Variants in SLC7A6 observed in about 807,000 individuals in gnomAD.
SLC7A6 encodes the protein Y+L amino acid transporter 2.
SLC7A6 carries 29 observed loss-of-function variants against 46.6 expected under a neutral mutation model. The observed-to-expected ratio is 0.62, with a 90% CI of 0.46 to 0.85. SLC7A6 has a LOEUF of 0.85. Among genes scored for constraint, SLC7A6 ranks in the 40% least tolerant of loss-of-function variants. The pLI is 0.00. For missense variants in SLC7A6, 527 were observed against 647.6 expected (o/e 0.81, Z 2.02); for synonymous variants, 276 against 257.3 (o/e 1.07, Z -0.70).
intron 4 of SLC7A6, among the ~76,000 whole-genome samples, chr16:68,288,225 C>T (rs2042977487): frequency 6.6e-6 from 1 of 152,138 alleles, no homozygotes. Context: ...TGCCAAGCTA[C>T]AAGTAGGAAG....
intron 6 of SLC7A6, 26 bp downstream of exon 6, chr16:68,291,358 T>C (rs2043045870): frequency 6.2e-7 from 1 of 1,612,898 alleles, no homozygotes; most frequent in South Asian, 1.1e-5. Flanking sequence ...TCCCCATTTG[T>C]TCATCATCTC....
In SLC7A6 at chr16:68,287,757, T is replaced by A; in HGVS notation, c.535T>A (p.Phe179Ile). ...LAAACICLLTFVNCAYVKWGT... is the reference protein window; with the variant it reads ...LAAACICLLTIVNCAYVKWGT... ...GGTTTTCCTCCTAGGTCTGCTGACA[T>A]TTGTGAACTGTGCCTATGTCAAGTG... The change falls in exon 4 of 11, where the codon TTT becomes ATT. Residue 179 changes from phenylalanine (F) to isoleucine (I), a missense_variant. By Grantham distance (21) the Phe-to-Ile change is conservative. Transcript: ENST00000219343. The A allele has an allele frequency of 6.2e-7, 1 of 1,613,810 alleles. No individual in the cohort carries two copies. The highest frequency in any genetic ancestry group is 8.5e-7 in the Non-Finnish European group (1 of 1,179,696).
intron 3 of SLC7A6, among the ~76,000 whole-genome samples, chr16:68,276,266 T>A (rs958813779): frequency 1.3e-5 from 2 of 152,244 alleles, no homozygotes; most frequent in Non-Finnish European, 1.5e-5. Context: ...TTTTCTCTTA[T>A]GGGGTAGTAA....
chr16:68,287,402 T>G, intron 3 of SLC7A6: 1 of 1,306,866 alleles, frequency 7.7e-7, no homozygotes, highest in Non-Finnish European at 1.0e-6. Flanking sequence ...GTGTCTCCTG[T>G]GGTTTGGAAC....
chr16:68,289,358 C>G (rs1345448831), intron 4 of SLC7A6, among the ~76,000 whole-genome samples: 1 of 152,050 alleles, frequency 6.6e-6, no homozygotes, highest in Non-Finnish European at 1.5e-5. Flanking sequence ...GCTGGTCTAG[C>G]CTGTGTACTT....
At chr16:68,286,579 G>A (rs2042939478) in intron 3 of SLC7A6, among the ~76,000 whole-genome samples, 1 of 152,176 alleles carries the variant, frequency 6.6e-6, no homozygotes, top group African/African-American at 2.4e-5. Context: ...GTATGCTAGA[G>A]GCAGTACTCA....
intron 2 of SLC7A6, among the ~76,000 whole-genome samples, chr16:68,271,316 GT>G (rs1316937186): frequency 6.6e-6 from 1 of 152,136 alleles, no homozygotes; most frequent in Non-Finnish European, 1.5e-5. Flanking sequence ...GCTTTTTGTT[GT>G]TTGTTTTTTG....
At chr16:68,287,936 C>T (rs1159623079) in intron 4 of SLC7A6, 65 bp downstream of exon 4, 1 of 1,581,028 alleles carries the variant, frequency 6.3e-7, no homozygotes, top group African/African-American at 1.3e-5. Flanking sequence ...AACATGGCGA[C>T]TCTGTTAGCT....
In SLC7A6 at chr16:68,296,748, T is replaced by G; in HGVS notation, c.1391T>G (p.Phe464Cys). ...GGGATTGCCCTTTCTGGAGTCCCTT[T>G]CTACTTCATGGGTGTTTACCTGCCA... Reference protein sequence around the residue: ...GIGIALSGVPFYFMGVYLPES... With the variant: ...GIGIALSGVPCYFMGVYLPES... Residue 464 changes from phenylalanine to cysteine, a missense_variant, in exon 10 of 11, where the codon TTC (phenylalanine) becomes TGC (cysteine). By Grantham distance (205) the Phe-to-Cys change is radical. Coordinates refer to ENST00000219343, the MANE Select transcript of SLC7A6 (RefSeq NM_003983.6). 1 of 1,614,218 alleles carries G rather than the reference T, an allele frequency of 6.2e-7. No homozygotes were observed. Among genetic ancestry groups the G allele is most frequent in the South Asian group, 1.1e-5 (1 of 91,086 alleles).
intron 7 of SLC7A6, among the ~76,000 whole-genome samples, chr16:68,294,178 G>A (rs770153908): frequency 2.0e-4 from 30 of 152,114 alleles, no homozygotes; most frequent in Non-Finnish European, 3.8e-4. Context: ...ATAGGCATGA[G>A]CCACCATGCC....
chr16:68,283,266 T>A (rs2042861664), intron 3 of SLC7A6, among the ~76,000 whole-genome samples: 1 of 152,220 alleles, frequency 6.6e-6, no homozygotes, highest in African/African-American at 2.4e-5. Flanking sequence ...GGCAGTGTGG[T>A]TTGGATGACT....
rs2043278265 is a variant in SLC7A6, at chr16:68,301,636, G to A, written c.*4308G>A. ...TATTTTGTCACTTCTCCCCTCCGTG[G>A]AGTATTTTGTCACTTCTCCCCTCCG... On this transcript the variant is annotated 3_prime_UTR_variant, in exon 11 of 11. Transcript: ENST00000219343. The A allele has an allele frequency of 5.6e-6, 2 of 354,172 alleles. No homozygotes were observed. Among genetic ancestry groups the A allele is most frequent in the Non-Finnish European group, 1.0e-5 (2 of 197,494 alleles). 21.9% of individuals were successfully genotyped at this position (354,172 alleles called of 1,614,324 possible).
chr16:68,273,153 CAGG>C (rs1159614117), intron 2 of SLC7A6: 3 of 152,102 alleles, frequency 2.0e-5, no homozygotes, highest in Non-Finnish European at 4.4e-5. Flanking sequence ...ACAGGGAAGG[CAGG>C]AGTTTTGGGT....
rs1567584062 is a variant in SLC7A6, at chr16:68,275,070, T to C, written c.344T>C (p.Ile115Thr). Reference sequence around the variant, plus strand: ...AAGTCGGGAGCCAGCTACGCTTATATTCTAGAGGCCTTTGGGGGCTTCATT... The same window carrying C: ...AAGTCGGGAGCCAGCTACGCTTATACTCTAGAGGCCTTTGGGGGCTTCATT... ...ITKSGASYAY[I>T]LEAFGGFIAF... Residue 115 changes from isoleucine (I) to threonine (T), a missense_variant, in exon 3 of 11, where the codon ATT (isoleucine) becomes ACT (threonine). By Grantham distance (89) the Ile-to-Thr change is moderately conservative. Transcript: ENST00000219343. 3 of 1,614,208 alleles carry C rather than the reference T, an allele frequency of 1.9e-6. No individual in the cohort carries two copies. The highest frequency in any genetic ancestry group is 1.7e-6 in the Non-Finnish European group (2 of 1,180,044).
chr16:68,291,407 C>T (rs1031166913), intron 6 of SLC7A6, 75 bp downstream of exon 6: 16 of 1,595,204 alleles, frequency 1.0e-5, no homozygotes, highest in Non-Finnish European at 1.4e-5. Flanking sequence ...GTCTGTCTTA[C>T]TGCACCCTCC....
intron 2 of SLC7A6, among the ~76,000 whole-genome samples, chr16:68,267,049 C>G (rs1245264148): frequency 6.6e-6 from 1 of 151,920 alleles, no homozygotes; most frequent in Non-Finnish European, 1.5e-5. Context: ...ATTCTCCTGC[C>G]TCAGCCTCCC....
chr16:68,272,084 T>G (rs897947704), intron 2 of SLC7A6, among the ~76,000 whole-genome samples: 9 of 152,204 alleles, frequency 5.9e-5, no homozygotes, highest in South Asian at 2.1e-4. Flanking sequence ...ATTACAGGCG[T>G]GAGCCACTGC....
intron 2 of SLC7A6, among the ~76,000 whole-genome samples, chr16:68,267,918 C>G (rs752691644): frequency 1.3e-5 from 2 of 152,154 alleles, no homozygotes; most frequent in Non-Finnish European, 2.9e-5. Flanking sequence ...TCTATAAAAA[C>G]CCAAGAGGCT....
chr16:68,267,799 A>G (rs1285460464), intron 2 of SLC7A6, among the ~76,000 whole-genome samples: 1 of 152,124 alleles, frequency 6.6e-6, no homozygotes, highest in East Asian at 1.9e-4. Flanking sequence ...GAGGGTTGGG[A>G]CTTTGAGCCC....
Sources: gnomAD v4.1 joint callset for allele counts (sites outside exome capture counted in the v4.1 genomes callset) on GRCh38, gnomAD v4.1.1 for gene constraint, MANE v1.5 for transcripts, NCBI Gene and HGNC (gene_info 2026-07-23, HGNC 2026-07-21) for gene names.